Variants in SORCS1 observed in about 807,000 individuals in gnomAD.
The protein encoded by SORCS1 is sortilin related VPS10 domain containing receptor 1, also known as VPS10 domain-containing receptor SorCS1.
In SORCS1, 60 loss-of-function variants were observed where a neutral mutation model predicts 146.1. The observed-to-expected ratio is 0.41, with a 90% confidence interval of 0.33 to 0.51. SORCS1 has a LOEUF of 0.51. Ranked by LOEUF, SORCS1 falls within the 20% of genes least tolerant of loss-of-function variation. The pLI, the probability that SORCS1 is intolerant of heterozygous loss-of-function variation, is 0.21. For missense variants in SORCS1, 1,352 were observed against 1,487.6 expected (o/e 0.91, Z 1.50); for synonymous variants, 637 against 584.0 (o/e 1.09, Z -1.31).
At chr10:106,674,175 A>G (rs1056130116) in intron 14 of SORCS1, among the ~76,000 whole-genome samples, 42 of 149,942 alleles carry the variant, frequency 2.8e-4, no homozygotes, top group Non-Finnish European at 4.4e-4. Context: ...AAAATTATAA[A>G]AAAATTACCC....
chr10:106,826,841 C>T (rs982545177), intron 3 of SORCS1, among the ~76,000 whole-genome samples: 6 of 152,202 alleles, frequency 3.9e-5, no homozygotes, highest in Admixed American at 3.9e-4. Flanking sequence ...TGAAGGGTAA[C>T]AGTCCCAGAG....
At chr10:107,163,467 T>C (rs1969858528) in intron 1 of SORCS1, among the ~76,000 whole-genome samples, 1 of 152,184 alleles carries the variant, frequency 6.6e-6, no homozygotes, top group Non-Finnish European at 1.5e-5. Context: ...ACTGCAGTTC[T>C]CCCTTGTGGA....
chr10:106,743,778 T>G (rs931036924), intron 5 of SORCS1, among the ~76,000 whole-genome samples: 2 of 152,178 alleles, frequency 1.3e-5, no homozygotes, highest in African/African-American at 4.8e-5. Context: ...GTGAAAAATC[T>G]GACTGCAAAA....
intron 1 of SORCS1, among the ~76,000 whole-genome samples, chr10:106,957,941 G>C (rs1430108690): frequency 2.0e-5 from 3 of 152,192 alleles, no homozygotes; most frequent in Non-Finnish European, 2.9e-5. Context: ...CTATGAGTCC[G>C]TGATCCAGTT....
At chr10:106,694,671 T>C in intron 9 of SORCS1, among the ~76,000 whole-genome samples, 1 of 152,212 alleles carries the variant, frequency 6.6e-6, no homozygotes, top group East Asian at 1.9e-4. Flanking sequence ...TGCTATATTA[T>C]CATAACCGTT....
chr10:106,876,038 CTATT>C (rs915262037), intron 2 of SORCS1, among the ~76,000 whole-genome samples: 31 of 151,878 alleles, frequency 2.0e-4, no homozygotes, highest in African/African-American at 4.6e-4. Context: ...AAAATAATTT[CTATT>C]TATTATTTAT....
chr10:107,135,657 C>T (rs1387115935), intron 1 of SORCS1, among the ~76,000 whole-genome samples: 1 of 152,166 alleles, frequency 6.6e-6, no homozygotes, highest in Non-Finnish European at 1.5e-5. Context: ...ATCTGATTAA[C>T]ACCGTATTGT....
intron 19 of SORCS1, among the ~76,000 whole-genome samples, chr10:106,623,673 T>A (rs184982836): frequency 8.5e-5 from 13 of 152,158 alleles, no homozygotes; most frequent in East Asian, 1.9e-4. Flanking sequence ...TTATTTATTT[T>A]TTTATTTTTT....
intron 18 of SORCS1, among the ~76,000 whole-genome samples, chr10:106,651,342 C>T (rs1404903450): frequency 3.9e-5 from 6 of 152,140 alleles, no homozygotes; most frequent in African/African-American, 1.4e-4. Context: ...CCAGCCTTGC[C>T]ACTGTTTTGT....
intron 2 of SORCS1, among the ~76,000 whole-genome samples, chr10:106,862,780 C>CAAAAAAA (rs58654489): frequency 1.7e-5 from 1 of 60,246 alleles, no homozygotes; most frequent in African/African-American, 5.6e-5. Flanking sequence ...CCTGTCTCTA[C>CAAAAAAA]AAAAAAAAAA....
At chr10:107,074,680 T>C (rs1962732481) in intron 1 of SORCS1, among the ~76,000 whole-genome samples, 1 of 152,212 alleles carries the variant, frequency 6.6e-6, no homozygotes, top group African/African-American at 2.4e-5. Context: ...GAAGAGTTCT[T>C]GTTGCTCCAC....
In SORCS1 at chr10:107,133,238, T is replaced by C. The variant is rs574122641; in HGVS notation, c.558+30731A>G. Among the ~76,000 whole-genome samples, 4 of 152,274 alleles carry C rather than the reference T, an allele frequency of 2.6e-5. No homozygotes were observed. In the South Asian group the frequency reaches 6.2e-4, roughly 24 times the overall value. On this transcript the variant is annotated intron_variant, in intron 1 of 25. Transcript: ENST00000263054. ...GGAACTGCACTGTGAACGAAGGTTG[T>C]CTTTTTGGGTGGATACAGCTTTTTA...
intron 5 of SORCS1, among the ~76,000 whole-genome samples, chr10:106,745,856 C>T (rs547931940): frequency 6.6e-5 from 10 of 152,294 alleles, no homozygotes; most frequent in African/African-American, 2.4e-4. Context: ...AAGTTAACAT[C>T]ATCAGTAATA....
chr10:106,746,214 C>A (rs545577582), intron 5 of SORCS1, among the ~76,000 whole-genome samples: 47 of 152,010 alleles, frequency 3.1e-4, no homozygotes, highest in African/African-American at 1.1e-3. Flanking sequence ...TATTTTAGTT[C>A]ACTGTTTTTT....
At chr10:107,033,159 T>C (rs1958742851) in intron 1 of SORCS1, among the ~76,000 whole-genome samples, 1 of 152,064 alleles carries the variant, frequency 6.6e-6, no homozygotes, top group Non-Finnish European at 1.5e-5. Flanking sequence ...GCACATATTC[T>C]CACAGCCAGC....
chr10:107,105,049 C>T (rs534088251), intron 1 of SORCS1, among the ~76,000 whole-genome samples: 14 of 152,240 alleles, frequency 9.2e-5, no homozygotes, highest in Admixed American at 2.0e-4. Context: ...GAAAAGTGCA[C>T]GAAAATTGTA....
intron 1 of SORCS1, among the ~76,000 whole-genome samples, chr10:107,055,271 A>C (rs909923925): frequency 7.2e-5 from 11 of 152,158 alleles, no homozygotes; most frequent in African/African-American, 2.7e-4. Flanking sequence ...TCAACATCAA[A>C]TTACTAGTAA....
At chr10:107,051,408 G>C (rs1456655387) in intron 1 of SORCS1, among the ~76,000 whole-genome samples, 1 of 152,156 alleles carries the variant, frequency 6.6e-6, no homozygotes, top group Non-Finnish European at 1.5e-5. Flanking sequence ...TATGTGTCTA[G>C]AATATTGAAT....
chr10:106,967,113 CAA>C (rs34653353), intron 1 of SORCS1, among the ~76,000 whole-genome samples: 31 of 144,450 alleles, frequency 2.1e-4, no homozygotes, highest in South Asian at 4.4e-4. Context: ...GCTATCCACT[CAA>C]AAAAAAAAAA....
Sources: allele counts gnomAD v4.1 joint callset (sites outside exome capture counted in the v4.1 genomes callset), GRCh38; gene constraint gnomAD v4.1.1; transcripts MANE v1.5; gene names NCBI Gene and HGNC (gene_info 2026-07-23, HGNC 2026-07-21).